Variants in ABR observed in about 807,000 individuals in gnomAD.
The protein encoded by ABR is active breakpoint cluster region-related protein.
Under a neutral mutation model 107.2 loss-of-function variants are expected in ABR, and 35 were observed. The ratio of observed to expected loss-of-function variants is 0.33; its 90% confidence interval spans 0.25 to 0.43. ABR has a LOEUF of 0.43. ABR is among the 20% of genes least tolerant of loss of function. The probability of loss-of-function intolerance (pLI) is 1.00; values close to 1 mark genes in which losing one functional copy is unlikely to be tolerated. For missense variants in ABR, 815 were observed against 1,115.2 expected (o/e 0.73, Z 3.83); for synonymous variants, 498 against 462.0 (o/e 1.08, Z -1.00).
intron 16 of ABR, among the ~76,000 whole-genome samples, chr17:1,041,531 G>A (rs2030490105): frequency 6.6e-6 from 1 of 151,910 alleles, no homozygotes; most frequent in Non-Finnish European, 1.5e-5. Context: ...TCAGGAGTTC[G>A]AGACCAGCCT....
intron 1 of ABR, among the ~76,000 whole-genome samples, chr17:1,226,699 G>A (rs1014102872): frequency 2.9e-5 from 3 of 105,076 alleles, no homozygotes; most frequent in African/African-American, 1.0e-4. Flanking sequence ...ATGTGCAGGT[G>A]TGTGTGTGTG....
In ABR at chr17:1,079,169, C is replaced by T. The variant is rs1413573314; in HGVS notation, c.700+161G>A. On this transcript the variant is annotated intron_variant, in intron 6 of 22. Transcript: ENST00000302538. ...GCTAGAGTCCTCGCGTGCGCGCACACGCGCACTCAGCTCACACTCACACGC... is the reference window on the plus strand; with the variant it reads ...GCTAGAGTCCTCGCGTGCGCGCACATGCGCACTCAGCTCACACTCACACGC... 2.4e-5 allele frequency: 35 copies of T among 1,462,902 alleles called. No homozygotes were observed. The Admixed American group carries it at 4.3e-4, about 18-fold the overall frequency. 90.6% of individuals were successfully genotyped at this position (1,462,902 alleles called of 1,614,324 possible). A position where few individuals can be genotyped will look rare whatever the true frequency, so the allele number is the denominator to read the frequency against.
intron 1 of ABR, among the ~76,000 whole-genome samples, chr17:1,161,581 G>T (rs559085627): frequency 1.3e-3 from 185 of 143,304 alleles, no homozygotes; most frequent in African/African-American, 4.5e-3. Context: ...TTGAGATGAG[G>T]TCTCACTCTG....
chr17:1,083,553 G>A lies in ABR; in HGVS notation c.606C>T (p.Ser202=). The change falls in exon 5 of 23, where the codon AGC becomes AGT. Residue 202 remains serine (S), a synonymous_variant. Coordinates refer to ENST00000302538, the MANE Select transcript of ABR (RefSeq NM_021962.5). ...TCTTCTGGAACTGGTTGTTGGACTGGCTGCACTTCTCAGCTGTCTCCAGAG... is the reference window on the plus strand; with the variant it reads ...TCTTCTGGAACTGGTTGTTGGACTGACTGCACTTCTCAGCTGTCTCCAGAG... The part of the protein sequence containing the change: ...KVALETAEKC[S]QSNNQFQKIS... 6.2e-7 allele frequency: 1 copy of A among 1,612,132 alleles called. No homozygotes were observed. Among genetic ancestry groups the A allele is most frequent in the Non-Finnish European group, 8.5e-7 (1 of 1,178,714 alleles).
intron 1 of ABR, among the ~76,000 whole-genome samples, chr17:1,217,244 C>G (rs893672001): frequency 6.6e-5 from 10 of 152,198 alleles, no homozygotes; most frequent in African/African-American, 2.2e-4. Context: ...CACCGTCCCC[C>G]CCAAGGCTGC....
chr17:1,048,633 ACGTCCGGGGC>A, intron 16 of ABR, among the ~76,000 whole-genome samples: 1 of 123,474 alleles, frequency 8.1e-6, no homozygotes, highest in African/African-American at 3.1e-5. Flanking sequence ...CGCCTGGATC[ACGTCCGGGGC>A]CACGGTCAAG....
At chr17:1,063,772 G>GTTGTTATGTGAA (rs1433016074) in intron 10 of ABR, among the ~76,000 whole-genome samples, 1 of 149,212 alleles carries the variant, frequency 6.7e-6, no homozygotes, top group African/African-American at 2.5e-5. Flanking sequence ...TCTAGACACT[G>GTTGTTATGTGAA]CTGTTATGTG....
chr17:1,048,874 A>T (rs978792241), intron 16 of ABR, among the ~76,000 whole-genome samples: 1 of 152,204 alleles, frequency 6.6e-6, no homozygotes. Context: ...CCAACGCCCG[A>T]GGCTCAACCT....
intron 2 of ABR, among the ~76,000 whole-genome samples, chr17:1,101,654 C>A (rs2037874598): frequency 6.6e-6 from 1 of 152,106 alleles, no homozygotes; most frequent in African/African-American, 2.4e-5. Flanking sequence ...TCCACCAGGC[C>A]CTATAGATAC....
At chr17:1,163,309 C>A (rs966364406) in intron 1 of ABR, among the ~76,000 whole-genome samples, 1 of 152,218 alleles carries the variant, frequency 6.6e-6, no homozygotes, top group Non-Finnish European at 1.5e-5. Context: ...GACTCTGTAT[C>A]GACCCTGTAA....
rs1241693793 is a variant in ABR, at chr17:1,179,382, C to G, written c.61+285G>C. On this transcript the variant is annotated intron_variant, in intron 1 of 22. Coordinates refer to ENST00000302538, the MANE Select transcript of ABR (RefSeq NM_021962.5). This position sits in a 1 kb window ranked among gnomAD's most constrained non-coding sequence, Gnocchi z 4.9. ...GGGAGGGGGGACGCAGCTCTCGGCT[C>G]GGTCCGCCCACGGTCCCCGCCCCCG... 6.6e-6 allele frequency among the ~76,000 whole-genome samples: 1 copy of G among 152,090 alleles called. No homozygotes were observed. Among genetic ancestry groups the G allele is most frequent in the Non-Finnish European group, 1.5e-5 (1 of 67,986 alleles).
chr17:1,048,157 C>G (rs1036356104), intron 16 of ABR, among the ~76,000 whole-genome samples: 2 of 152,210 alleles, frequency 1.3e-5, no homozygotes, highest in African/African-American at 4.8e-5. Context: ...GACTGAATCT[C>G]TAGAGCCCAT....
At position 1,009,183 on chromosome 17, in the gene ABR, A is replaced by G. The variant is rs574177483; in HGVS notation, c.2342+496T>C. On this transcript the variant is annotated intron_variant, in intron 21 of 22. Coordinates refer to ENST00000302538, the MANE Select transcript of ABR (RefSeq NM_021962.5). ...TGCTGTCTGTCCCCCACTGCTGTCC[A>G]TCCCCACTGCTGTCCATTCCCCCAC... Among the ~76,000 whole-genome samples, 8 of 58,894 alleles carry G rather than the reference A, an allele frequency of 1.4e-4. No individual in the cohort carries two copies. In the East Asian group the frequency reaches 2.7e-3, roughly 20 times the overall value. 38.6% of individuals were successfully genotyped at this position (58,894 alleles called of 152,430 possible). A position where few individuals can be genotyped will look rare whatever the true frequency, so the allele number is the denominator to read the frequency against.
chr17:1,172,358 G>A (rs1423442766), intron 1 of ABR, among the ~76,000 whole-genome samples: 2 of 152,200 alleles, frequency 1.3e-5, no homozygotes, highest in Non-Finnish European at 2.9e-5. Flanking sequence ...CAAGGTCTCT[G>A]GGTCAGGTTC....
intron 21 of ABR, among the ~76,000 whole-genome samples, chr17:1,008,772 G>A (rs1005275464): frequency 2.2e-4 from 33 of 152,322 alleles, no homozygotes; most frequent in Non-Finnish European, 3.4e-4. Flanking sequence ...GGGGCTCCCC[G>A]GTCCTGGCGT....
intron 2 of ABR, among the ~76,000 whole-genome samples, chr17:1,122,938 A>G (rs2039414774): frequency 6.6e-6 from 1 of 152,278 alleles, no homozygotes; most frequent in East Asian, 1.9e-4. Flanking sequence ...GATTTGGTCC[A>G]GAAGTCCCCC....
At chr17:1,109,206 C>T (rs982536597) in intron 2 of ABR, 18 of 1,218,486 alleles carry the variant, frequency 1.5e-5, no homozygotes, top group Non-Finnish European at 1.8e-5. Context: ...CGACCCGGGA[C>T]TGCATCCCGG....
chr17:1,106,951 C>T (rs1394709646), intron 2 of ABR, among the ~76,000 whole-genome samples: 2 of 152,244 alleles, frequency 1.3e-5, no homozygotes, highest in Admixed American at 6.5e-5. Flanking sequence ...GCAGGGTGCT[C>T]TGAAGAGCAC....
At position 1,050,170 on chromosome 17, in the gene ABR, G is replaced by A. The variant is rs141242979; in HGVS notation, c.1671C>T (p.Ile557=). The A allele has an allele frequency of 4.4e-5, 71 of 1,612,594 alleles. No individual in the cohort carries two copies. The highest frequency in any genetic ancestry group is 2.5e-4 in the African/African-American group (19 of 74,996). The change falls in exon 16 of 23, where the codon ATC becomes ATT. Residue 557 remains isoleucine (I), a synonymous_variant. Transcript: ENST00000302538. The surrounding 1 kb of genome is among the most constrained non-coding windows in gnomAD (Gnocchi z 4.6). ...AEPKWDEEFE[I]ELEGSQSLRI... ...TCAGGGACTGGGAGCCCTCCAGCTC[G>A]ATCTCAAACTCCTGGGGAAAGATGG...
Sources: allele counts gnomAD v4.1 joint callset (sites outside exome capture counted in the v4.1 genomes callset), GRCh38; gene constraint gnomAD v4.1.1; non-coding constraint Gnocchi (gnomAD v3.1); transcripts MANE v1.5; gene names NCBI Gene and HGNC (gene_info 2026-07-23, HGNC 2026-07-21).